The following ADAM23 variants were observed in gnomAD, a reference collection of about 807,000 sequenced individuals.
The protein encoded by ADAM23 is disintegrin and metalloproteinase domain-containing protein 23.
Under a neutral mutation model 120.1 loss-of-function variants are expected in ADAM23, and 33 were observed. That is an observed-to-expected ratio of 0.27 (90% CI 0.21 to 0.37). ADAM23 has a LOEUF of 0.37. Among genes scored for constraint, ADAM23 ranks in the 10% least tolerant of loss-of-function variants. The probability of loss-of-function intolerance (pLI) is 1.00; values close to 1 mark genes in which losing one functional copy is unlikely to be tolerated. For missense variants in ADAM23, 862 were observed against 1,058.2 expected (o/e 0.81, Z 2.57); for synonymous variants, 367 against 375.2 (o/e 0.98, Z 0.25).
chr2:206,555,888 C>T (rs1697633986), intron 9 of ADAM23, among the ~76,000 whole-genome samples: 1 of 152,114 alleles, frequency 6.6e-6, no homozygotes. Flanking sequence ...TAATATTTTT[C>T]CTTTTACTCT....
rs77338869 is a variant in ADAM23 at position 206,512,102 on chromosome 2, G to A, written c.510-18783G>A. 5.3e-3 allele frequency among the ~76,000 whole-genome samples: 810 copies of A among 152,328 alleles called. 7 individuals carry two copies. Among genetic ancestry groups the A allele is most frequent in the African/African-American group, 0.019 (780 of 41,568 alleles). On this transcript the variant is annotated intron_variant, in intron 3 of 25. Coordinates refer to ENST00000264377, the MANE Select transcript of ADAM23 (RefSeq NM_003812.4). ...ATTTCAATGACATATGTGGTGAAATGTAGGTAACTGTAGGAAATGGTGTAA... is the reference window on the plus strand; with the variant it reads ...ATTTCAATGACATATGTGGTGAAATATAGGTAACTGTAGGAAATGGTGTAA...
At chr2:206,533,460 C>A (rs1333725537) in intron 4 of ADAM23, among the ~76,000 whole-genome samples, 1 of 152,226 alleles carries the variant, frequency 6.6e-6, no homozygotes, top group Non-Finnish European at 1.5e-5. Context: ...GCCTCAGCCT[C>A]CCAAAGTGCT....
chr2:206,558,939 T>C (rs1238581319), intron 10 of ADAM23, among the ~76,000 whole-genome samples: 2 of 152,078 alleles, frequency 1.3e-5, no homozygotes, highest in Non-Finnish European at 2.9e-5. Context: ...GTTTGTTTGT[T>C]TGTTTGTTTG....
chr2:206,455,395 C>T (rs925553330), intron 2 of ADAM23, among the ~76,000 whole-genome samples: 2 of 152,158 alleles, frequency 1.3e-5, no homozygotes, highest in Admixed American at 6.5e-5. Context: ...CCATTTTTCC[C>T]TTCTAGGCCT....
In ADAM23 at chr2:206,481,250, G is replaced by T. The variant is rs1367439513; in HGVS notation, c.451G>T (p.Ala151Ser). 1 of 1,609,946 alleles carries T rather than the reference G, an allele frequency of 6.2e-7. No individual in the cohort carries two copies. Among genetic ancestry groups the T allele is most frequent in the African/African-American group, 1.3e-5 (1 of 74,686 alleles). The change falls in exon 3 of 26, where the codon GCA becomes TCA. Residue 151 changes from alanine to serine, a missense_variant. Physicochemically the swap from Ala to Ser is moderately conservative, Grantham distance 99 (BLOSUM62 1). Around this residue, in one of 4 missense-constraint regions of ADAM23, gnomAD observed 225 missense variants for 204.0 expected, o/e 1.10. Transcript: ENST00000264377. ...TCCATAGGCTGTCCATCTGGCCCAG[G>T]CAAGCTTCCAGATTGAAGCCTTCGG... Reference protein sequence around the residue: ...KHNKAVHLAQASFQIEAFGSK... With the variant: ...KHNKAVHLAQSSFQIEAFGSK...
chr2:206,480,143 C>T (rs1695864978), intron 2 of ADAM23, among the ~76,000 whole-genome samples: 1 of 152,066 alleles, frequency 6.6e-6, no homozygotes, highest in South Asian at 2.1e-4. Context: ...GCTTCCAAAG[C>T]CCTGAACGTG....
intron 3 of ADAM23, among the ~76,000 whole-genome samples, chr2:206,513,704 C>T (rs1696673988): frequency 6.6e-6 from 1 of 152,166 alleles, no homozygotes; most frequent in Non-Finnish European, 1.5e-5. Flanking sequence ...AAGAAGACTC[C>T]ATCTAGGACT....
chr2:206,454,206 G>A (rs955795698), intron 2 of ADAM23, among the ~76,000 whole-genome samples: 3 of 152,134 alleles, frequency 2.0e-5, no homozygotes, highest in Non-Finnish European at 4.4e-5. Flanking sequence ...TGGAAGCATG[G>A]CTAGGAGGTC....
At chr2:206,538,482 T>C (rs1038951546) in intron 4 of ADAM23, among the ~76,000 whole-genome samples, 1 of 152,184 alleles carries the variant, frequency 6.6e-6, no homozygotes, top group Non-Finnish European at 1.5e-5. Flanking sequence ...ATTCAGAACC[T>C]AGATATCATA....
chr2:206,586,196 G>T (rs751943990), intron 18 of ADAM23, among the ~76,000 whole-genome samples: 4 of 152,190 alleles, frequency 2.6e-5, no homozygotes, highest in Non-Finnish European at 5.9e-5. Flanking sequence ...AGCTTGGAAG[G>T]TCATTGAGTA....
chr2:206,542,545 G>T (rs1037190935), intron 5 of ADAM23, among the ~76,000 whole-genome samples: 16 of 152,086 alleles, frequency 1.1e-4, no homozygotes, highest in Admixed American at 2.0e-4. Flanking sequence ...GCAAGGGTGG[G>T]GTGACAAAGA....
chr2:206,572,075 C>T (rs905695984), intron 17 of ADAM23, among the ~76,000 whole-genome samples: 9 of 152,168 alleles, frequency 5.9e-5, no homozygotes, highest in Non-Finnish European at 1.3e-4. Context: ...AAGAGTTGCC[C>T]TACTAACATA....
intron 24 of ADAM23, among the ~76,000 whole-genome samples, chr2:206,609,060 G>A (rs985524246): frequency 2.0e-5 from 3 of 152,198 alleles, no homozygotes; most frequent in Non-Finnish European, 4.4e-5. Flanking sequence ...AAGGAGAGGA[G>A]TGAGCGAGTG....
chr2:206,473,507 G>A (rs1243580160), intron 2 of ADAM23, among the ~76,000 whole-genome samples: 2 of 151,758 alleles, frequency 1.3e-5, no homozygotes, highest in African/African-American at 2.4e-5. Flanking sequence ...GCTAAGATGG[G>A]AGGATTGCTT....
At chr2:206,586,289 A>G (rs1404423344) in intron 18 of ADAM23, among the ~76,000 whole-genome samples, 1 of 152,222 alleles carries the variant, frequency 6.6e-6, no homozygotes, top group Non-Finnish European at 1.5e-5. Context: ...CTCTAAGGTG[A>G]CTAGGATAGA....
chr2:206,498,819 C>T (rs1021681034), intron 3 of ADAM23, among the ~76,000 whole-genome samples: 1 of 151,922 alleles, frequency 6.6e-6, no homozygotes, highest in African/African-American at 2.4e-5. Flanking sequence ...AAAACAACCC[C>T]ATCAAAAAGT....
chr2:206,606,021 G>T, intron 24 of ADAM23: 1 of 551,696 alleles, frequency 1.8e-6, no homozygotes, highest in Non-Finnish European at 3.2e-6. Flanking sequence ...GATGTTGCTT[G>T]TGTCCTGTGG....
chr2:206,615,875 T>C (rs1698926157), intron 25 of ADAM23, among the ~76,000 whole-genome samples: 1 of 152,232 alleles, frequency 6.6e-6, no homozygotes, highest in Admixed American at 6.5e-5. Flanking sequence ...GTGGACTGCA[T>C]TGCTGTTACG....
At chr2:206,553,427 C>T (rs1220900316) in intron 9 of ADAM23, among the ~76,000 whole-genome samples, 1 of 152,044 alleles carries the variant, frequency 6.6e-6, no homozygotes, top group Admixed American at 6.6e-5. Flanking sequence ...CAGAGTGAGA[C>T]TCCGTCTCAA....
Sources: allele counts gnomAD v4.1 joint callset (sites outside exome capture counted in the v4.1 genomes callset), GRCh38; gene constraint gnomAD v4.1.1; regional missense constraint gnomAD v4.1.1; transcripts MANE v1.5; gene names NCBI Gene and HGNC (gene_info 2026-07-23, HGNC 2026-07-21).